MAPRE1: variants seen among roughly 807,000 people sequenced by gnomAD.
The protein encoded by MAPRE1 is microtubule associated protein RP/EB family member 1, also known as microtubule-associated protein RP/EB family member 1.
Under a neutral mutation model 32.1 loss-of-function variants are expected in MAPRE1, and 5 were observed. That is an observed-to-expected ratio of 0.16 (90% confidence interval 0.08 to 0.33). The LOEUF is 0.33. MAPRE1 is among the 10% of genes least tolerant of loss of function. MAPRE1 has a pLI of 1.00. For missense variants in MAPRE1, 209 were observed against 327.2 expected (o/e 0.64, Z 2.79); for synonymous variants, 122 against 118.9 (o/e 1.03, Z -0.17).
At chr20:32,823,316 G>C (rs1982750949) in intron 1 of MAPRE1, among the ~76,000 whole-genome samples, 1 of 152,230 alleles carries the variant, frequency 6.6e-6, no homozygotes, top group African/African-American at 2.4e-5. Flanking sequence ...ACGAAGTACC[G>C]TAAGAGAGCA....
In MAPRE1 at chr20:32,833,713, T is replaced by C. The variant is rs1474333674; in HGVS notation, c.122-4T>C. On this transcript the variant is annotated splice_region_variant and splice_polypyrimidine_tract_variant and intron_variant, in intron 2 of 6. Coordinates refer to ENST00000375571, the MANE Select transcript of MAPRE1 (RefSeq NM_012325.3). The stretch of plus-strand genomic sequence containing the variant: ...GTATTTTTCTGTTGCCGTTGTTCTT[T>C]CAGGGGCTGCGTATTGTCAGTTTAT... 1 of 1,608,704 alleles carries C rather than the reference T, an allele frequency of 6.2e-7. No individual in the cohort carries two copies. Among genetic ancestry groups the C allele is most frequent in the Non-Finnish European group, 8.5e-7 (1 of 1,177,268 alleles).
intron 3 of MAPRE1, among the ~76,000 whole-genome samples, chr20:32,834,558 T>TA (rs1983132022): frequency 6.6e-6 from 1 of 152,220 alleles, no homozygotes; most frequent in Admixed American, 6.5e-5. Flanking sequence ...TTTTTTTTTT[T>TA]ATGGCAAAGG....
intron 1 of MAPRE1, among the ~76,000 whole-genome samples, chr20:32,823,702 C>G (rs1243984841): frequency 4.6e-5 from 7 of 152,050 alleles, no homozygotes; most frequent in South Asian, 2.1e-4. Context: ...GAGGCTGGGC[C>G]GCAAAATGAG....
chr20:32,830,009 TC>T (rs1257735647), intron 2 of MAPRE1, among the ~76,000 whole-genome samples: 3 of 152,194 alleles, frequency 2.0e-5, no homozygotes, highest in Non-Finnish European at 4.4e-5. Flanking sequence ...TGTGAATTGT[TC>T]CTGTGTTGCA....
At chr20:32,846,891 C>CTGGCTGACTTTGAGGGGTT in intron 6 of MAPRE1, 121 bp downstream of exon 6, 1 of 1,057,678 alleles carries the variant, frequency 9.5e-7, no homozygotes, top group Non-Finnish European at 1.4e-6. Flanking sequence ...TTTAACCCCT[C>CTGGCTGACTTTGAGGGGTT]AAAGTCAGCC....
intron 2 of MAPRE1, among the ~76,000 whole-genome samples, chr20:32,828,126 T>C (rs543751772): frequency 2.6e-5 from 4 of 152,156 alleles, no homozygotes; most frequent in Non-Finnish European, 5.9e-5. Flanking sequence ...GAGTTGTGTT[T>C]ATTCAGCATT....
chr20:32,840,248 TTC>T (rs1294290193), intron 5 of MAPRE1, among the ~76,000 whole-genome samples: 1 of 152,172 alleles, frequency 6.6e-6, no homozygotes, highest in Non-Finnish European at 1.5e-5. Context: ...GAGATTGGAA[TTC>T]AGAGTGGAAC....
At chr20:32,832,930 G>C (rs1390062071) in intron 2 of MAPRE1, among the ~76,000 whole-genome samples, 1 of 145,886 alleles carries the variant, frequency 6.9e-6, no homozygotes, top group Non-Finnish European at 1.5e-5. Context: ...GCAACAGAGC[G>C]AGACTCTGTC....
In MAPRE1 at chr20:32,848,863, G is replaced by C; in HGVS notation, c.*135G>C. 1.6e-6 allele frequency: 1 copy of C among 639,864 alleles called. No individual in the cohort carries two copies. The allele number at this position is 639,864 out of a possible 1,614,324, so 39.6% of individuals were successfully genotyped here. Reference sequence around the variant, plus strand: ...AGCAAAAAGTACCTCTTCTTAAAGTGCACTTTGCAGACGTTTCACTCCTTT... The same window carrying C: ...AGCAAAAAGTACCTCTTCTTAAAGTCCACTTTGCAGACGTTTCACTCCTTT... On this transcript the variant is annotated 3_prime_UTR_variant, in exon 7 of 7. Coordinates refer to ENST00000375571, the MANE Select transcript of MAPRE1 (RefSeq NM_012325.3).
chr20:32,833,267 G>A (rs566008842), intron 2 of MAPRE1, among the ~76,000 whole-genome samples: 14 of 152,220 alleles, frequency 9.2e-5, no homozygotes, highest in South Asian at 2.1e-4. Flanking sequence ...GGAGACAGAC[G>A]TCTTAGGGAA....
chr20:32,840,679 T>C (rs1274867970), intron 5 of MAPRE1, among the ~76,000 whole-genome samples: 1 of 151,932 alleles, frequency 6.6e-6, no homozygotes, highest in Non-Finnish European at 1.5e-5. Context: ...GATTGCATCC[T>C]TTTACTTTTC....
At chr20:32,847,434 G>A (rs1983534319) in intron 6 of MAPRE1, among the ~76,000 whole-genome samples, 1 of 152,206 alleles carries the variant, frequency 6.6e-6, no homozygotes, top group Non-Finnish European at 1.5e-5. Context: ...AGCAAGGTCT[G>A]TAGGATCAAA....
intron 5 of MAPRE1, among the ~76,000 whole-genome samples, chr20:32,842,743 T>G (rs917036338): frequency 3.3e-5 from 5 of 152,200 alleles, no homozygotes; most frequent in Non-Finnish European, 7.3e-5. Context: ...CTAGACAGGT[T>G]TGATACACTT....
At chr20:32,828,030 C>T (rs558032633) in intron 2 of MAPRE1, among the ~76,000 whole-genome samples, 1 of 150,988 alleles carries the variant, frequency 6.6e-6, no homozygotes, top group Non-Finnish European at 1.5e-5. Context: ...TTGTTATTTC[C>T]TTGGTGAGGT....
At chr20:32,836,955 C>T (rs1315107354) in intron 4 of MAPRE1, 114 bp downstream of exon 4, 1 of 929,406 alleles carries the variant, frequency 1.1e-6, no homozygotes, top group Admixed American at 2.9e-5. Flanking sequence ...GAAATATAAT[C>T]CCAGGCATGT....
chr20:32,825,835 G>T, intron 1 of MAPRE1, 90 bp from the exon 2 acceptor site: 5 of 984,214 alleles, frequency 5.1e-6, no homozygotes, highest in Non-Finnish European at 7.3e-6. Context: ...GTTCCTACAG[G>T]TTTGCTTTTG....
intron 5 of MAPRE1, among the ~76,000 whole-genome samples, chr20:32,845,025 ATGT>A (rs1983469184): frequency 6.6e-6 from 1 of 151,478 alleles, no homozygotes; most frequent in Non-Finnish European, 1.5e-5. Flanking sequence ...GTATGTATGT[ATGT>A]ATGTATGAAT....
intron 6 of MAPRE1, among the ~76,000 whole-genome samples, chr20:32,847,211 T>G (rs1268341356): frequency 6.6e-6 from 1 of 152,224 alleles, no homozygotes; most frequent in Non-Finnish European, 1.5e-5. Context: ...GGGTATGCCT[T>G]TCTCCTCCCT....
chr20:32,833,689 T>TTA, intron 2 of MAPRE1, 28 bp from the exon 3 acceptor site: 1 of 1,596,676 alleles, frequency 6.3e-7, no homozygotes, highest in Non-Finnish European at 8.5e-7. Flanking sequence ...TCTTTAATTG[T>TTA]ATTTTTCTGT....
Sources: gnomAD v4.1 joint callset for allele counts (sites outside exome capture counted in the v4.1 genomes callset) on GRCh38, gnomAD v4.1.1 for gene constraint, MANE v1.5 for transcripts, NCBI Gene and HGNC (gene_info 2026-07-23, HGNC 2026-07-21) for gene names.